Variants in CMTR1 observed in about 807,000 individuals in gnomAD.
CMTR1 encodes cap methyltransferase 1, also known as cap-specific mRNA (nucleoside-2'-O-)-methyltransferase 1.
In CMTR1, 39 loss-of-function variants were observed where a neutral mutation model predicts 107.0. The observed-to-expected ratio is 0.36, with a 90% confidence interval of 0.28 to 0.48. CMTR1 has a LOEUF of 0.48. Among genes scored for constraint, CMTR1 ranks in the 20% least tolerant of loss-of-function variants. The probability of loss-of-function intolerance (pLI) is 0.99; values close to 1 mark genes in which losing one functional copy is unlikely to be tolerated. For missense variants in CMTR1, 672 were observed against 1,064.9 expected, an observed-to-expected ratio of 0.63 and a Z score of 5.14; for synonymous variants, 366 against 379.5, an observed-to-expected ratio of 0.96 and a Z score of 0.41.
At chr6:37,438,843 C>T (rs2113863449) in intron 2 of CMTR1, among the ~76,000 whole-genome samples, 1 of 152,302 alleles carries the variant, frequency 6.6e-6, no homozygotes, top group African/African-American at 2.4e-5. Flanking sequence ...GGTTTGCTGT[C>T]TACATATCCC....
intron 6 of CMTR1, among the ~76,000 whole-genome samples, chr6:37,452,604 T>C (rs1403310308): frequency 6.6e-6 from 1 of 152,170 alleles, no homozygotes. Flanking sequence ...GAGAAGGGAT[T>C]GCTACTGTGT....
chr6:37,424,400 G>A, the CMTR1 span, among the ~76,000 whole-genome samples: 4 of 151,506 alleles, frequency 2.6e-5, no homozygotes, highest in African/African-American at 9.7e-5. Context: ...CCGCCACCTC[G>A]CCTGGTTAAT....
rs1771515801 is a variant in CMTR1, at chr6:37,435,775, G to C, written c.133+13G>C. 6.3e-7 allele frequency: 1 copy of C among 1,579,010 alleles called. No individual in the cohort carries two copies. Among genetic ancestry groups the C allele is most frequent in the Admixed American group, 2.0e-5 (1 of 50,532 alleles). ...CATGGAGCAAAAGGTACGTGTGCTT[G>C]TGTGGTCTGAGGCCACTGGCCATCT... is the stretch of plus-strand genomic sequence containing the variant. On this transcript the variant is annotated intron_variant, in intron 2 of 23. Transcript: ENST00000373451.
rs1761730422 is a variant in CMTR1, at chr6:37,476,062, G to A, written c.2037-64G>A. On this transcript the variant is annotated intron_variant, in intron 19 of 23. Transcript: ENST00000373451. Reference sequence around the variant, plus strand: ...CCTACTGGAGCTGTGAAAATGCCCTGGGGGTAGGGGTGCTGGTGGAGGCAT... The same window carrying A: ...CCTACTGGAGCTGTGAAAATGCCCTAGGGGTAGGGGTGCTGGTGGAGGCAT... The A allele has an allele frequency of 4.0e-6, 6 of 1,513,318 alleles. No individual in the cohort carries two copies. In the East Asian group the frequency reaches 1.4e-4, roughly 34 times the overall value. 93.7% of individuals were successfully genotyped at this position (1,513,318 alleles called of 1,614,324 possible). A position where few individuals can be genotyped will look rare whatever the true frequency, so the allele number is the denominator to read the frequency against.
chr6:37,471,810 T>C, intron 14 of CMTR1, 37 bp from the exon 15 acceptor site: 1 of 1,608,458 alleles, frequency 6.2e-7, no homozygotes, highest in Non-Finnish European at 8.5e-7. Flanking sequence ...CTGTGCCTCT[T>C]AGAGATTTTA....
Position 37,450,190 on chromosome 6 carries a change from G to C in CMTR1, c.445-61G>C, listed in dbSNP as rs968742732. ...GATTGTTTTGGGGAAGTCCTGATGA[G>C]TTGGGGTTTAGCTTTGAGGGTGTGT... On this transcript the variant is annotated intron_variant, in intron 4 of 23. Coordinates refer to ENST00000373451, the MANE Select transcript of CMTR1 (RefSeq NM_015050.3). 2.1e-6 allele frequency: 3 copies of C among 1,408,094 alleles called. No homozygotes were observed. In the South Asian group the frequency reaches 3.5e-5, roughly 16 times the overall value. 87.2% of individuals were successfully genotyped at this position (1,408,094 alleles called of 1,614,324 possible).
intron 11 of CMTR1, 154 bp downstream of exon 11, chr6:37,461,799 G>A: frequency 3.4e-6 from 3 of 870,240 alleles, no homozygotes; most frequent in Non-Finnish European, 5.4e-6. Flanking sequence ...AAAGGGCTGT[G>A]GAATCCTCAA....
chr6:37,463,738 T>C (rs1196512432), intron 13 of CMTR1, among the ~76,000 whole-genome samples: 1 of 152,164 alleles, frequency 6.6e-6, no homozygotes, highest in Non-Finnish European at 1.5e-5. Flanking sequence ...TGGAGAATCA[T>C]AGAAGGGGAG....
chr6:37,457,857 G>A (rs528465512), intron 8 of CMTR1, among the ~76,000 whole-genome samples: 4 of 152,278 alleles, frequency 2.6e-5, no homozygotes, highest in African/African-American at 9.6e-5. Flanking sequence ...GAGTCTAGTG[G>A]CTAGGCCAAC....
chr6:37,472,048 C>T lies in CMTR1; in HGVS notation c.1620+144C>T, dbSNP rs916998279. 9 of 761,466 alleles carry T rather than the reference C, an allele frequency of 1.2e-5. No homozygotes were observed. The highest frequency in any genetic ancestry group is 2.7e-5 in the East Asian group (1 of 37,104). The allele number at this position is 761,466 out of a possible 1,614,324, so 47.2% of individuals were successfully genotyped here. ...CACAGCATCCCAGAGGTTGACATCT[C>T]GGCATTGTTGGTAGTTACGTCCTTG... is the stretch of plus-strand genomic sequence containing the variant. On this transcript the variant is annotated intron_variant, in intron 15 of 23. Transcript: ENST00000373451. This position sits in a 1 kb window ranked among gnomAD's most constrained non-coding sequence, Gnocchi z 4.1.
chr6:37,428,875 T>C (rs770602202), upstream of CMTR1, among the ~76,000 whole-genome samples: 3 of 152,148 alleles, frequency 2.0e-5, no homozygotes, highest in Non-Finnish European at 4.4e-5. Flanking sequence ...CATTTGGAAG[T>C]GGATTTCTTT....
chr6:37,479,911 TAA>T, intron 23 of CMTR1, 100 bp from the exon 24 acceptor site: 1 of 1,183,468 alleles, frequency 8.4e-7, no homozygotes, highest in Non-Finnish European at 1.1e-6. Flanking sequence ...GAACCTCAAC[TAA>T]AGTCATTGAC....
intron 14 of CMTR1, among the ~76,000 whole-genome samples, chr6:37,471,396 TGATCAAGAGAGGA>T (rs1218075304): frequency 6.6e-6 from 1 of 151,624 alleles, no homozygotes; most frequent in African/African-American, 2.4e-5. Flanking sequence ...GAGTAAAGAG[TGATCAAGAGAGGA>T]GAGGTAGGAC....
At chr6:37,448,264 C>T (rs2113870298) in intron 4 of CMTR1, among the ~76,000 whole-genome samples, 1 of 146,288 alleles carries the variant, frequency 6.8e-6, no homozygotes, top group African/African-American at 2.5e-5. Context: ...CACTTCTTTA[C>T]AGTAGGTGAG....
Position 37,459,602 on chromosome 6 carries a change from G to T in CMTR1, c.1013G>T (p.Arg338Leu). ...GGIDGDGDIT[R>L]PENISAFRNF... ...ATTGATGGAGATGGAGATATCACCC[G>T]CCCAGAGAACATCTCTGCTTTTCGG... Residue 338 changes from arginine to leucine, a missense_variant, in exon 10 of 24, where the codon CGC (arginine) becomes CTC (leucine). Physicochemically the swap from Arg to Leu is moderately radical, Grantham distance 102. Coordinates refer to ENST00000373451, the MANE Select transcript of CMTR1 (RefSeq NM_015050.3). The T allele has an allele frequency of 2.5e-6, 4 of 1,614,102 alleles. No individual in the cohort carries two copies. The highest frequency in any genetic ancestry group is 3.4e-6 in the Non-Finnish European group (4 of 1,180,010).
In CMTR1 at chr6:37,442,289, C is replaced by T. The variant is rs184570289; in HGVS notation, c.134-1710C>T. 1.3e-3 allele frequency among the ~76,000 whole-genome samples: 192 copies of T among 152,264 alleles called. 6 individuals are homozygous for T. Among genetic ancestry groups the T allele is most frequent in the Admixed American group, 0.012 (180 of 15,288 alleles). The stretch of plus-strand genomic sequence containing the variant: ...ACTGGTGGGGAAGCTAAATCATAGC[C>T]CAGGAGGGCTCCGTTCTCTGTTAAG... On this transcript the variant is annotated intron_variant, in intron 2 of 23. Transcript: ENST00000373451.
At chr6:37,478,730 A>G (rs890755112) in intron 22 of CMTR1, among the ~76,000 whole-genome samples, 6 of 152,144 alleles carry the variant, frequency 3.9e-5, no homozygotes, top group Non-Finnish European at 8.8e-5. Flanking sequence ...TGGTTAGGCA[A>G]TAGGGAGAGG....
intron 1 of CMTR1, among the ~76,000 whole-genome samples, chr6:37,434,373 TC>T (rs1771474517): frequency 6.6e-6 from 1 of 152,132 alleles, no homozygotes; most frequent in Non-Finnish European, 1.5e-5. Context: ...TACCTCGCCT[TC>T]CCTAAGGATT....
chr6:37,445,458 A>C (rs193083204), intron 3 of CMTR1, among the ~76,000 whole-genome samples: 1 of 148,284 alleles, frequency 6.7e-6, no homozygotes, highest in Non-Finnish European at 1.5e-5. Flanking sequence ...TCTGTCCCAG[A>C]GTATTATAGT....
Sources: allele counts gnomAD v4.1 joint callset (sites outside exome capture counted in the v4.1 genomes callset), GRCh38; gene constraint gnomAD v4.1.1; non-coding constraint Gnocchi (gnomAD v3.1); transcripts MANE v1.5; gene names NCBI Gene and HGNC (gene_info 2026-07-23, HGNC 2026-07-21).